The following RNF150 variants were observed in gnomAD, a reference collection of about 807,000 sequenced individuals.
RNF150 encodes ring finger protein 150.
Under a neutral mutation model 39.3 loss-of-function variants are expected in RNF150, and 24 were observed. The observed-to-expected ratio is 0.61, with a 90% CI of 0.44 to 0.86. The LOEUF (loss-of-function observed/expected upper bound fraction) is 0.86, where lower values mean the gene tolerates loss of function less well. RNF150 is among the 40% of genes least tolerant of loss of function. The probability of loss-of-function intolerance (pLI) is 0.00; values close to 1 mark genes in which losing one functional copy is unlikely to be tolerated. For missense variants in RNF150, 502 were observed against 587.8 expected, an observed-to-expected ratio of 0.85 and a Z score of 1.51; for synonymous variants, 255 against 227.3, an observed-to-expected ratio of 1.12 and a Z score of -1.10.
chr4:141,163,624 G>T (rs1727551172), intron 1 of RNF150, among the ~76,000 whole-genome samples: 1 of 152,212 alleles, frequency 6.6e-6, no homozygotes, highest in Non-Finnish European at 1.5e-5. Flanking sequence ...AGCAATCTTT[G>T]CTGTTCTGCA....
At chr4:141,046,867 T>C (rs1006924642) in intron 1 of RNF150, among the ~76,000 whole-genome samples, 9 of 152,122 alleles carry the variant, frequency 5.9e-5, no homozygotes, top group African/African-American at 2.2e-4. Context: ...TGTTTCACCT[T>C]CTTTGCAAGT....
intron 1 of RNF150, among the ~76,000 whole-genome samples, chr4:141,002,584 TTAAAAATAATACCATTTGGCC>T (rs67063823): frequency 0.076 from 11,522 of 152,268 alleles, 486 homozygotes; most frequent in Middle Eastern, 0.16. Flanking sequence ...TGGTCTTGCC[TTAAAAATAATACCATTTGGCC>T]TAATACCACT....
chr4:140,898,667 T>A (rs1730051298), intron 6 of RNF150, among the ~76,000 whole-genome samples: 1 of 152,264 alleles, frequency 6.6e-6, no homozygotes, highest in South Asian at 2.1e-4. Flanking sequence ...CAAGTATTTA[T>A]GTATCCAACT....
In RNF150 at chr4:141,092,882, A is replaced by C. The variant is rs192368732; in HGVS notation, c.484+39443T>G. On this transcript the variant is annotated intron_variant, in intron 1 of 6. Coordinates refer to ENST00000515673, the MANE Select transcript of RNF150 (RefSeq NM_020724.2). ...ATAAAACACCTGAAAATGCTGGAGA[A>C]TATATTAAACATCTCTTGTAAAACA... is the stretch of plus-strand genomic sequence containing the variant. Among the ~76,000 whole-genome samples the C allele has an allele frequency of 3.5e-3, 535 of 152,030 alleles. 4 individuals are homozygous for C. Among genetic ancestry groups the C allele is most frequent in the Middle Eastern group, 0.017 (5 of 294 alleles).
In RNF150 at chr4:141,184,609, T is replaced by C. The variant is rs182984168; in HGVS notation, c.-6+28185A>G. Among the ~76,000 whole-genome samples the C allele has an allele frequency of 1.7e-3, 262 of 152,344 alleles. 3 individuals carry two copies. The highest frequency in any genetic ancestry group is 5.8e-3 in the African/African-American group (240 of 41,586). ...ATGTCCTGAATGGTATTGCCTAAGT[T>C]TTCCTCTAGGGTTTTTATGGCTTTA... On this transcript the variant is annotated intron_variant, in intron 1 of 7. Transcript: ENST00000420921.
chr4:140,975,313 G>A (rs1215140211), intron 1 of RNF150, among the ~76,000 whole-genome samples: 1 of 152,132 alleles, frequency 6.6e-6, no homozygotes, highest in African/African-American at 2.4e-5. Context: ...CTAGCTATAC[G>A]AAAGGCAACT....
At chr4:141,165,412 AT>A (rs1425540058) in intron 1 of RNF150, among the ~76,000 whole-genome samples, 2 of 152,236 alleles carry the variant, frequency 1.3e-5, no homozygotes, top group African/African-American at 4.8e-5. Context: ...TCACAAGGAT[AT>A]TCAGGACTTG....
chr4:141,192,461 C>T (rs1051084650), intron 1 of RNF150, among the ~76,000 whole-genome samples: 11 of 152,032 alleles, frequency 7.2e-5, no homozygotes, highest in African/African-American at 2.4e-4. Context: ...ATATATAATG[C>T]TAATTTGTGG....
At chr4:141,144,135 A>G (rs927836642) in intron 1 of RNF150, among the ~76,000 whole-genome samples, 3 of 152,086 alleles carry the variant, frequency 2.0e-5, no homozygotes, top group Non-Finnish European at 2.9e-5. Context: ...AAAAACCCAC[A>G]AAACTTTTAG....
At chr4:141,028,414 G>A (rs931201943) in intron 1 of RNF150, among the ~76,000 whole-genome samples, 19 of 151,996 alleles carry the variant, frequency 1.3e-4, no homozygotes, top group Non-Finnish European at 2.5e-4. Flanking sequence ...GCCTACTTTT[G>A]CCAACAGCTT....
chr4:140,943,179 T>G (rs531991960), intron 4 of RNF150, among the ~76,000 whole-genome samples: 1 of 152,300 alleles, frequency 6.6e-6, no homozygotes, highest in East Asian at 1.9e-4. Context: ...CCTTAGAGCT[T>G]GATCAACTTC....
At chr4:141,043,283 C>T (rs750511966) in intron 1 of RNF150, among the ~76,000 whole-genome samples, 1 of 151,912 alleles carries the variant, frequency 6.6e-6, no homozygotes, top group Non-Finnish European at 1.5e-5. Flanking sequence ...GAGGGGTGGG[C>T]CACACAGAGA....
intron 1 of RNF150, among the ~76,000 whole-genome samples, chr4:141,014,301 A>G (rs920107333): frequency 3.9e-5 from 6 of 152,224 alleles, no homozygotes; most frequent in African/African-American, 1.4e-4. Flanking sequence ...TGCGATGAAC[A>G]TAGGAGTGCA....
chr4:141,100,071 T>A (rs1175148121), intron 1 of RNF150, among the ~76,000 whole-genome samples: 1 of 152,064 alleles, frequency 6.6e-6, no homozygotes, highest in Non-Finnish European at 1.5e-5. Flanking sequence ...GCTAAAAAAA[T>A]TTTACAGAAA....
chr4:140,912,196 A>C (rs874774), intron 5 of RNF150, among the ~76,000 whole-genome samples: 1 of 151,964 alleles, frequency 6.6e-6, no homozygotes, highest in Non-Finnish European at 1.5e-5. Flanking sequence ...TTACTCTTTT[A>C]TCTCAGTTCT....
chr4:141,177,032 A>G (rs1285639935), intron 1 of RNF150, among the ~76,000 whole-genome samples: 4 of 148,956 alleles, frequency 2.7e-5, no homozygotes, highest in African/African-American at 4.9e-5. Flanking sequence ...CCTGGGCAAC[A>G]TAACAAGACC....
chr4:141,205,091 T>C (rs1728353363), intron 1 of RNF150, among the ~76,000 whole-genome samples: 1 of 152,180 alleles, frequency 6.6e-6, no homozygotes, highest in Non-Finnish European at 1.5e-5. Context: ...AAGGCTAGAA[T>C]ATTAACAGAA....
At chr4:141,173,998 G>A (rs1022601111) in intron 1 of RNF150, among the ~76,000 whole-genome samples, 1 of 152,096 alleles carries the variant, frequency 6.6e-6, no homozygotes, top group Non-Finnish European at 1.5e-5. Flanking sequence ...ATGTGAGAAT[G>A]TTTGTACATT....
In RNF150 at chr4:140,861,828, A is replaced by C. The variant is rs1728504445; in HGVS notation, c.*6433T>G. The C allele has an allele frequency of 6.6e-6, 1 of 152,212 alleles. No homozygotes were observed. The highest frequency in any genetic ancestry group is 1.5e-5 in the Non-Finnish European group (1 of 68,032). The allele number at this position is 152,212 out of a possible 1,614,324, so 9.4% of individuals were successfully genotyped here. ...CGCTAGATTTGTTGGAAAGTTTTGA[A>C]GGAAAAGGGGACTAAACACTAGACT... On this transcript the variant is annotated 3_prime_UTR_variant, in exon 7 of 7. Transcript: ENST00000515673.
Sources: gnomAD v4.1 joint callset for allele counts (sites outside exome capture counted in the v4.1 genomes callset) on GRCh38, gnomAD v4.1.1 for gene constraint, MANE v1.5 for transcripts, NCBI Gene and HGNC (gene_info 2026-07-23, HGNC 2026-07-21) for gene names.